The following SQOR variants were observed in gnomAD, a reference collection of about 807,000 sequenced individuals.
SQOR encodes the protein sulfide quinone oxidoreductase.
In SQOR, 39 loss-of-function variants were observed where a neutral mutation model predicts 48.6. That is an observed-to-expected ratio of 0.80 (90% CI 0.62 to 1.05). The LOEUF (loss-of-function observed/expected upper bound fraction) is 1.05, where lower values mean the gene tolerates loss of function less well. Ranked by LOEUF, SQOR falls within the 50% of genes least tolerant of loss-of-function variation. The pLI, the probability that SQOR is intolerant of heterozygous loss-of-function variation, is 0.00. For synonymous variants in SQOR, 220 were observed against 206.2 expected (o/e 1.07, Z -0.57); for missense variants, 561 against 559.9 (o/e 1.00, Z -0.02).
intron 1 of SQOR, among the ~76,000 whole-genome samples, chr15:45,652,852 T>C (rs760118677): frequency 5.3e-5 from 8 of 151,396 alleles, no homozygotes; most frequent in Non-Finnish European, 1.2e-4. Context: ...GCACCTGTAA[T>C]CCCAGCTACT....
chr15:45,634,655 G>T (rs1595567764), upstream of SQOR: 3 of 152,452 alleles, frequency 2.0e-5, no homozygotes, highest in South Asian at 6.2e-4. Flanking sequence ...GACCCAGTGG[G>T]AACAGCCAGA....
At chr15:45,638,754 A>C (rs1455341501) in intron 1 of SQOR, among the ~76,000 whole-genome samples, 1 of 151,936 alleles carries the variant, frequency 6.6e-6, no homozygotes, top group African/African-American at 2.4e-5. Flanking sequence ...AAAAAAAAAA[A>C]GGAAAATTAA....
At position 45,652,031 on chromosome 15, in the gene SQOR, G is replaced by A. The variant is rs752063232; in HGVS notation, c.-17-6876G>A. On this transcript the variant is annotated intron_variant, in intron 1 of 9. Coordinates refer to ENST00000260324, the MANE Select transcript of SQOR (RefSeq NM_021199.4). ...CAGCCTCCCAAGCGTGTGCCACCAC[G>A]CCTGGCTAATTTTTGTATTTTTAGT... 1.1e-4 allele frequency among the ~76,000 whole-genome samples: 16 copies of A among 151,498 alleles called. No individual in the cohort carries two copies. In the South Asian group the frequency reaches 1.5e-3, roughly 14 times the overall value.
At chr15:45,648,069 T>C (rs563741060) in intron 1 of SQOR, among the ~76,000 whole-genome samples, 12 of 152,344 alleles carry the variant, frequency 7.9e-5, no homozygotes, top group African/African-American at 2.6e-4. Flanking sequence ...ATCTGTAAAA[T>C]GGGGATTTTA....
chr15:45,672,346 A>C (rs981472702), intron 4 of SQOR, among the ~76,000 whole-genome samples: 1 of 152,098 alleles, frequency 6.6e-6, no homozygotes, highest in Non-Finnish European at 1.5e-5. Context: ...AACTTTGAAA[A>C]CATTTAAATG....
In SQOR at chr15:45,661,289, TTAAA is replaced by T. The variant is rs1362545518; in HGVS notation, c.235-665_235-662del. Among the ~76,000 whole-genome samples the T allele has an allele frequency of 4.0e-4, 34 of 84,368 alleles. 2 individuals carry two copies. The highest frequency in any genetic ancestry group is 7.6e-3 in the Middle Eastern group (1 of 132). The allele number at this position is 84,368 out of a possible 152,430, so 55.3% of individuals were successfully genotyped here. ...TGGGGTGATTGGGCGAGACTCTGTCTTAAAAAAAAAAAAAAAAAAAAAAAAGGAC... is the reference window on the plus strand; with the variant it reads ...TGGGGTGATTGGGCGAGACTCTGTCTAAAAAAAAAAAAAAAAAAAAAGGAC... On this transcript the variant is annotated intron_variant, in intron 2 of 9. Coordinates refer to ENST00000260324, the MANE Select transcript of SQOR (RefSeq NM_021199.4).
At chr15:45,638,807 T>A (rs1030727394) in intron 1 of SQOR, among the ~76,000 whole-genome samples, 22 of 150,816 alleles carry the variant, frequency 1.5e-4, no homozygotes, top group African/African-American at 5.1e-4. Context: ...ATGAATAGTA[T>A]CCTTATAAGA....
intron 1 of SQOR, 150 bp from the exon 2 acceptor site, chr15:45,658,757 C>T: frequency 1.7e-6 from 1 of 585,910 alleles, no homozygotes; most frequent in East Asian, 3.1e-5. Flanking sequence ...GACCTTGGGA[C>T]CACAGCCAGT....
chr15:45,668,493 A>T (rs764935257), intron 3 of SQOR, among the ~76,000 whole-genome samples: 41 of 152,186 alleles, frequency 2.7e-4, no homozygotes, highest in Admixed American at 1.0e-3. Context: ...AGGAAGCCTC[A>T]TGCACACTAT....
At chr15:45,668,005 C>T (rs1317671778) in intron 3 of SQOR, among the ~76,000 whole-genome samples, 6 of 136,642 alleles carry the variant, frequency 4.4e-5, no homozygotes, top group South Asian at 2.3e-4. Flanking sequence ...AGTGCAGTGG[C>T]GTGATCTTGG....
chr15:45,641,000 C>T (rs974420267), intron 1 of SQOR, among the ~76,000 whole-genome samples: 2 of 152,164 alleles, frequency 1.3e-5, no homozygotes, highest in Non-Finnish European at 2.9e-5. Context: ...CAGGCTCCCA[C>T]TGGCTACAGC....
In SQOR at chr15:45,689,192, T is replaced by C; in HGVS notation, c.1270T>C (p.Phe424Leu). The C allele has an allele frequency of 6.2e-7, 1 of 1,614,086 alleles. No homozygotes were observed. The highest frequency in any genetic ancestry group is 8.5e-7 in the Non-Finnish European group (1 of 1,179,992). ...TCTCATGAAAGCTGACCTGATGCCT[T>C]TCCTGTATTGGAATATGATGCTAAG... ...MYLMKADLMP[F>L]LYWNMMLRGY... Residue 424 changes from phenylalanine (F) to leucine (L), a missense_variant, in exon 9 of 10, where the codon TTC becomes CTC. Phe to Leu is a conservative substitution (Grantham distance 22, BLOSUM62 0). Coordinates refer to ENST00000260324, the MANE Select transcript of SQOR (RefSeq NM_021199.4).
Position 45,690,957 on chromosome 15 carries a change from G to T in SQOR, c.1296-16G>T. 1 of 1,613,648 alleles carries T rather than the reference G, an allele frequency of 6.2e-7. No individual in the cohort carries two copies. Among genetic ancestry groups the T allele is most frequent in the Middle Eastern group, 1.6e-4 (1 of 6,062 alleles). ...TCTCTTGCTGCAGGTACATTTTTTTGTGTTATTTCTTACAGGGGTTACTGG... is the reference window on the plus strand; with the variant it reads ...TCTCTTGCTGCAGGTACATTTTTTTTTGTTATTTCTTACAGGGGTTACTGG... On this transcript the variant is annotated splice_polypyrimidine_tract_variant and intron_variant, in intron 9 of 9. Coordinates refer to ENST00000260324, the MANE Select transcript of SQOR (RefSeq NM_021199.4).
intron 9 of SQOR, chr15:45,689,555 T>C (rs897145606): frequency 2.4e-5 from 4 of 165,646 alleles, no homozygotes; most frequent in Admixed American, 1.9e-4. Flanking sequence ...GTAGCTGGGA[T>C]TACAGGTGCC....
intron 1 of SQOR, among the ~76,000 whole-genome samples, chr15:45,643,256 T>G (rs749457461): frequency 1.3e-5 from 2 of 152,172 alleles, no homozygotes; most frequent in Non-Finnish European, 2.9e-5. Context: ...AGTGTAGTGG[T>G]GCGATCTCGG....
intron 1 of SQOR, among the ~76,000 whole-genome samples, chr15:45,650,536 A>G (rs1436645988): frequency 6.6e-6 from 1 of 152,100 alleles, no homozygotes; most frequent in Non-Finnish European, 1.5e-5. Flanking sequence ...AGAGCAAAAG[A>G]AGAAAGCATC....
chr15:45,645,515 G>A (rs1185345156), intron 1 of SQOR, among the ~76,000 whole-genome samples: 2 of 152,174 alleles, frequency 1.3e-5, no homozygotes, highest in African/African-American at 4.8e-5. Context: ...TTGGCCTTAC[G>A]CAATCAGCTG....
intron 6 of SQOR, 111 bp from the exon 7 acceptor site, chr15:45,682,367 T>C: frequency 1.8e-6 from 2 of 1,118,914 alleles, no homozygotes; most frequent in South Asian, 1.5e-5. Context: ...GATTGTATAA[T>C]GCTCCATGCA....
intron 1 of SQOR, among the ~76,000 whole-genome samples, chr15:45,644,826 A>G (rs1284499648): frequency 1.3e-5 from 2 of 152,190 alleles, no homozygotes; most frequent in Non-Finnish European, 2.9e-5. Flanking sequence ...TGGCCCTGGA[A>G]TAATAAGGGC....
Sources: gnomAD v4.1 joint callset for allele counts (sites outside exome capture counted in the v4.1 genomes callset) on GRCh38, gnomAD v4.1.1 for gene constraint, MANE v1.5 for transcripts, NCBI Gene and HGNC (gene_info 2026-07-23, HGNC 2026-07-21) for gene names.